Variants in HEMGN observed in about 807,000 individuals in gnomAD.
HEMGN encodes the protein hemogen, also known as erythroid differentiation-associated gene protein.
A neutral mutation model predicts 45.7 loss-of-function variants in HEMGN; 32 were observed. The ratio of observed to expected loss-of-function variants is 0.70; its 90% CI spans 0.53 to 0.94. The LOEUF (loss-of-function observed/expected upper bound fraction) is 0.94. HEMGN is among the 40% of genes least tolerant of loss of function. The probability of loss-of-function intolerance (pLI) is 0.00; values close to 1 mark genes in which losing one functional copy is unlikely to be tolerated. For missense variants in HEMGN, 530 were observed against 564.2 expected, an observed-to-expected ratio of 0.94 and a Z score of 0.61; for synonymous variants, 183 against 178.6, an observed-to-expected ratio of 1.02 and a Z score of -0.20.
intron 3 of HEMGN, among the ~76,000 whole-genome samples, chr9:97,929,685 T>C (rs972958917): frequency 1.3e-5 from 2 of 152,224 alleles, no homozygotes; most frequent in African/African-American, 4.8e-5. Context: ...TTAAATTTCC[T>C]AGAAAAACTT....
At position 97,931,149 on chromosome 9, in the gene HEMGN, T is replaced by C. The variant is rs753287664; in HGVS notation, c.246A>G (p.Thr82=). 9.9e-6 allele frequency: 16 copies of C among 1,613,972 alleles called. 1 individual carries two copies. The South Asian group carries it at 1.5e-4, about 16-fold the overall frequency. ...GTGGCTGAGGCTCCACCTTCAATTC[T>C]GTGTTTTGTTGTCTCTTTCTGCCTC... ...NRRGRKRQQN[T]ELKVEPQPQI... Residue 82 remains threonine, a synonymous_variant, in exon 3 of 4, where the codon ACA becomes ACG. Transcript: ENST00000616898.
chr9:97,936,748 G>A (rs1368324140), intron 1 of HEMGN, among the ~76,000 whole-genome samples: 1 of 152,198 alleles, frequency 6.6e-6, no homozygotes. Flanking sequence ...TAATGACAAT[G>A]TGATACATAG....
upstream of HEMGN, among the ~76,000 whole-genome samples, chr9:97,940,585 C>T (rs1217168339): frequency 6.6e-6 from 1 of 152,168 alleles, no homozygotes; most frequent in Non-Finnish European, 1.5e-5. Context: ...ATGGTCCCTT[C>T]TCTCTGTAGA....
upstream of HEMGN, among the ~76,000 whole-genome samples, chr9:97,942,446 G>A (rs1056848279): frequency 1.3e-5 from 2 of 151,980 alleles, no homozygotes; most frequent in Non-Finnish European, 1.5e-5. Flanking sequence ...ACCATGCCTG[G>A]CTAATTTTTT....
chr9:97,938,550 G>A (rs77220498), upstream of HEMGN, among the ~76,000 whole-genome samples: 8,673 of 152,272 alleles, frequency 0.057, 342 homozygotes, highest in South Asian at 0.097. Flanking sequence ...AACCAGCTCA[G>A]TGGCCCAGGG....
chr9:97,933,664 C>G (rs1564122199), intron 2 of HEMGN, among the ~76,000 whole-genome samples: 2 of 152,186 alleles, frequency 1.3e-5, no homozygotes, highest in Non-Finnish European at 2.9e-5. Context: ...TCCAAGGGCT[C>G]TGGCTACCAA....
chr9:97,938,150 C>G lies in HEMGN; in HGVS notation c.-14G>C. On this transcript the variant is annotated 5_prime_UTR_variant, in exon 1 of 4. Coordinates refer to ENST00000616898, the MANE Select transcript of HEMGN (RefSeq NM_197978.3). Reference sequence around the variant, plus strand: ...TCCCAAATCCATCTTGCTGCAATACCTTCCTGCTATTTTGGTCTGACTTCC... The same window carrying G: ...TCCCAAATCCATCTTGCTGCAATACGTTCCTGCTATTTTGGTCTGACTTCC... The G allele has an allele frequency of 6.3e-7, 1 of 1,597,248 alleles. No individual in the cohort carries two copies. Among genetic ancestry groups the G allele is most frequent in the South Asian group, 1.1e-5 (1 of 90,176 alleles).
At chr9:97,936,429 G>A (rs990890526) in intron 1 of HEMGN, among the ~76,000 whole-genome samples, 165 bp from the exon 2 acceptor site, 4 of 152,224 alleles carry the variant, frequency 2.6e-5, no homozygotes, top group African/African-American at 9.6e-5. Flanking sequence ...AAGCCTGGAA[G>A]CAGACATTCA....
rs770110338 is a variant in HEMGN, at chr9:97,930,324, G to T, written c.1071C>A (p.Asn357Lys). 6.2e-7 allele frequency: 1 copy of T among 1,613,628 alleles called. No individual in the cohort carries two copies. Among genetic ancestry groups the T allele is most frequent in the Admixed American group, 1.7e-5 (1 of 59,918 alleles). The change falls in exon 3 of 4, where the codon AAC (asparagine) becomes AAA (lysine). Residue 357 changes from asparagine (N) to lysine (K), a missense_variant. Transcript: ENST00000616898. ...PHSEDYSIEI[N>K]QETPGSEKYS... ...ATTTTTCAGACCCAGGAGTTTCTTG[G>T]TTTATTTCAATTGAATAGTCTTCAG... is the stretch of plus-strand genomic sequence containing the variant.
chr9:97,940,424 T>G (rs1220878554), upstream of HEMGN, among the ~76,000 whole-genome samples: 3 of 151,880 alleles, frequency 2.0e-5, no homozygotes. Flanking sequence ...AACAGTAAAT[T>G]GAAGGTAATA....
Position 97,930,709 on chromosome 9 carries a change from G to C in HEMGN, c.686C>G (p.Ala229Gly). 6.2e-7 allele frequency: 1 copy of C among 1,614,164 alleles called. No homozygotes were observed. The highest frequency in any genetic ancestry group is 8.5e-7 in the Non-Finnish European group (1 of 1,180,016). ...AGCAGCTTCTTGGCACATTTTAGGA[G>C]CCAGATCTTCTCGTTTAGCCATATC... is the stretch of plus-strand genomic sequence containing the variant. ...YQDMAKREDL[A>G]PKMCQEAAVP... Residue 229 changes from alanine to glycine, a missense_variant, in exon 3 of 4, where the codon GCT (alanine) becomes GGT (glycine). Physicochemically the swap from Ala to Gly is moderately conservative, Grantham distance 60. Coordinates refer to ENST00000616898, the MANE Select transcript of HEMGN (RefSeq NM_197978.3).
At chr9:97,938,413 A>G (rs1362869411), upstream of HEMGN, 1 of 319,602 alleles carries the variant, frequency 3.1e-6, no homozygotes, top group Non-Finnish European at 5.7e-6. Flanking sequence ...CTCTCTGACC[A>G]CAGCCTGGCA....
At chr9:97,927,788 T>C (rs1230005245) in intron 3 of HEMGN, among the ~76,000 whole-genome samples, 1 of 152,008 alleles carries the variant, frequency 6.6e-6, no homozygotes, top group Non-Finnish European at 1.5e-5. Context: ...TGGAAAAATA[T>C]TTGCAACATA....
intron 2 of HEMGN, among the ~76,000 whole-genome samples, chr9:97,933,057 A>G (rs185576032): frequency 9.8e-5 from 15 of 152,302 alleles, no homozygotes; most frequent in Admixed American, 6.5e-5. Context: ...CTTCCCAGGT[A>G]GTTTTTCAAA....
At chr9:97,936,369 G>C (rs1267433577) in intron 1 of HEMGN, 105 bp from the exon 2 acceptor site, 1 of 747,482 alleles carries the variant, frequency 1.3e-6, no homozygotes, top group African/African-American at 1.7e-5. Context: ...TTTTCTCCTA[G>C]CTTTTTGAGG....
In HEMGN at chr9:97,927,349, G is replaced by T; in HGVS notation, c.*35C>A. The T allele has an allele frequency of 8.5e-7, 1 of 1,170,986 alleles. No individual in the cohort carries two copies. The highest frequency in any genetic ancestry group is 1.3e-6 in the Non-Finnish European group (1 of 797,418). The allele number at this position is 1,170,986 out of a possible 1,614,324, so 72.5% of individuals were successfully genotyped here. A position where few individuals can be genotyped will look rare whatever the true frequency, so the allele number is the denominator to read the frequency against. The stretch of plus-strand genomic sequence containing the variant: ...TCACGCATAAACTATTAAGCTGTAT[G>T]TTCCATTGGACCACAACTTTATGGT... On this transcript the variant is annotated 3_prime_UTR_variant, in exon 4 of 4. Transcript: ENST00000616898.
Position 97,931,097 on chromosome 9 carries a change from C to T in HEMGN, c.298G>A (p.Ala100Thr), listed in dbSNP as rs766637508. ...GTTTTTTTCTCTATAGGTGCCAGTG[C>T]TTTCTCCACTATTTCCTTTTCTATC... ...PQIEKEIVEK[A>T]LAPIEKKTEP... The change falls in exon 3 of 4, where the codon GCA (alanine) becomes ACA (threonine). Residue 100 changes from alanine (A) to threonine (T), a missense_variant. Coordinates refer to ENST00000616898, the MANE Select transcript of HEMGN (RefSeq NM_197978.3). 6.2e-6 allele frequency: 10 copies of T among 1,613,956 alleles called. No individual in the cohort carries two copies. The highest frequency in any genetic ancestry group is 1.3e-5 in the African/African-American group (1 of 74,918).
chr9:97,935,281 T>C (rs1827038356), intron 2 of HEMGN, among the ~76,000 whole-genome samples: 1 of 152,186 alleles, frequency 6.6e-6, no homozygotes, highest in East Asian at 1.9e-4. Flanking sequence ...AAATGCCCTT[T>C]CTTAGGAAGA....
At chr9:97,942,487 A>T (rs904761874), upstream of HEMGN, among the ~76,000 whole-genome samples, 4 of 151,836 alleles carry the variant, frequency 2.6e-5, no homozygotes, top group Non-Finnish European at 5.9e-5. Flanking sequence ...GGGTTTTGAC[A>T]CATTGCCCAG....
Sources: allele counts gnomAD v4.1 joint callset (sites outside exome capture counted in the v4.1 genomes callset), GRCh38; gene constraint gnomAD v4.1.1; transcripts MANE v1.5; gene names NCBI Gene and HGNC (gene_info 2026-07-23, HGNC 2026-07-21).